EPN1: variants seen among roughly 807,000 people sequenced by gnomAD.
The protein encoded by EPN1 is epsin-1.
A neutral mutation model predicts 56.9 loss-of-function variants in EPN1; 25 were observed. The ratio of observed to expected loss-of-function variants is 0.44; its 90% confidence interval spans 0.32 to 0.61. The LOEUF (loss-of-function observed/expected upper bound fraction) is 0.61. Among genes scored for constraint, EPN1 ranks in the 20% least tolerant of loss-of-function variants. The pLI, the probability that EPN1 is intolerant of heterozygous loss-of-function variation, is 0.05. For missense variants in EPN1, 785 were observed against 823.7 expected, an observed-to-expected ratio of 0.95 and a Z score of 0.58; for synonymous variants, 411 against 361.8, an observed-to-expected ratio of 1.14 and a Z score of -1.54.
At position 55,701,092 on chromosome 19, in the gene EPN1, C is replaced by T. The variant is rs1234668754; in HGVS notation, c.*5736C>T. ...GCCCTGAGGGCTCCCTGGTTCCCAT[C>T]TTATCAAGATGCTGGACTCGGTGCT... On this transcript the variant is annotated 3_prime_UTR_variant, in exon 11 of 11. Coordinates refer to ENST00000270460, the MANE Select transcript of EPN1 (RefSeq NM_001130072.2). 6.6e-6 allele frequency: 1 copy of T among 152,170 alleles called. No individual in the cohort carries two copies. The highest frequency in any genetic ancestry group is 1.5e-5 in the Non-Finnish European group (1 of 68,060). The allele number at this position is 152,170 out of a possible 1,614,324, so 9.4% of individuals were successfully genotyped here. A position where few individuals can be genotyped will look rare whatever the true frequency, so the allele number is the denominator to read the frequency against.
chr19:55,684,378 C>T (rs867409001), intron 2 of EPN1, among the ~76,000 whole-genome samples: 1 of 152,132 alleles, frequency 6.6e-6, no homozygotes, highest in South Asian at 2.1e-4. Context: ...AAGACACCCC[C>T]TGCAGAGCCT....
chr19:55,683,714 G>A (rs1985980711), intron 2 of EPN1, among the ~76,000 whole-genome samples: 1 of 152,230 alleles, frequency 6.6e-6, no homozygotes, highest in Admixed American at 6.5e-5. Flanking sequence ...CATAGTTGAT[G>A]TATGCATTTC....
rs369455188 is a variant in EPN1 at position 55,702,740 on chromosome 19, T to C, written c.*7384T>C. 3 of 152,220 alleles carry C rather than the reference T, an allele frequency of 2.0e-5. No individual in the cohort carries two copies. Among genetic ancestry groups the C allele is most frequent in the African/African-American group, 7.2e-5 (3 of 41,452 alleles). The allele number at this position is 152,220 out of a possible 1,614,324, so 9.4% of individuals were successfully genotyped here. A position where few individuals can be genotyped will look rare whatever the true frequency, so the allele number is the denominator to read the frequency against. On this transcript the variant is annotated 3_prime_UTR_variant, in exon 11 of 11. Transcript: ENST00000270460. The stretch of plus-strand genomic sequence containing the variant: ...AATTGGGTATTGATTTCAGGTAGAA[T>C]GGGTGAATGCATTTATTCGTTCATC...
chr19:55,677,597 T>C (rs985229252), intron 1 of EPN1: 1 of 1,551,408 alleles, frequency 6.4e-7, no homozygotes, highest in Admixed American at 2.0e-5. Context: ...GTCCCTCTTG[T>C]GCTGAGCGAG....
chr19:55,679,481 T>C (rs1985663458), intron 2 of EPN1, among the ~76,000 whole-genome samples: 1 of 152,144 alleles, frequency 6.6e-6, no homozygotes, highest in South Asian at 2.1e-4. Flanking sequence ...ACGTCTGACT[T>C]GGGGCAGGGG....
intron 1 of EPN1, among the ~76,000 whole-genome samples, chr19:55,676,257 A>G (rs1302893482): frequency 6.6e-6 from 1 of 152,184 alleles, no homozygotes; most frequent in African/African-American, 2.4e-5. Flanking sequence ...AGAGATTTTT[A>G]CACAGTAAGT....
At position 55,703,962 on chromosome 19, in the gene EPN1, CT is replaced by C. The variant is rs1407124785; in HGVS notation, c.*8608del. 1.3e-5 allele frequency: 2 copies of C among 152,062 alleles called. No homozygotes were observed. Among genetic ancestry groups the C allele is most frequent in the African/African-American group, 4.8e-5 (2 of 41,452 alleles). The allele number at this position is 152,062 out of a possible 1,614,324, so 9.4% of individuals were successfully genotyped here. On this transcript the variant is annotated 3_prime_UTR_variant, in exon 11 of 11. Coordinates refer to ENST00000270460, the MANE Select transcript of EPN1 (RefSeq NM_001130072.2). ...GGAAGACGCTGGGATCCCGTGCGCG[CT>C]TGTGCTCCTTCCTTCTGGGCCAGCG...
At chr19:55,685,005 A>T (rs549674213) in intron 2 of EPN1, among the ~76,000 whole-genome samples, 13 of 152,288 alleles carry the variant, frequency 8.5e-5, no homozygotes, top group African/African-American at 2.9e-4. Flanking sequence ...GAACGTCTTC[A>T]TTGCCCCAGA....
intron 3 of EPN1, among the ~76,000 whole-genome samples, chr19:55,686,123 T>C (rs1406622401): frequency 6.6e-6 from 1 of 152,218 alleles, no homozygotes; most frequent in Non-Finnish European, 1.5e-5. Context: ...TTAGGAGCCT[T>C]GACAGTGCCT....
At position 55,703,487 on chromosome 19, in the gene EPN1, CTAA is replaced by C. The variant is rs1987247263; in HGVS notation, c.*8133_*8135del. ...TACAGGTGCCCGCCACCACGCCCAGCTAATTTTTGTATTTTTAGTAGAGACGGG... is the reference window on the plus strand; with the variant it reads ...TACAGGTGCCCGCCACCACGCCCAGCTTTTTGTATTTTTAGTAGAGACGGG... On this transcript the variant is annotated 3_prime_UTR_variant, in exon 11 of 11. Coordinates refer to ENST00000270460, the MANE Select transcript of EPN1 (RefSeq NM_001130072.2). 1.3e-5 allele frequency: 2 copies of C among 152,132 alleles called. No individual in the cohort carries two copies. The highest frequency in any genetic ancestry group is 2.9e-5 in the Non-Finnish European group (2 of 68,084). The allele number at this position is 152,132 out of a possible 1,614,324, so 9.4% of individuals were successfully genotyped here.
chr19:55,682,729 G>T (rs530615531), intron 2 of EPN1, among the ~76,000 whole-genome samples: 1 of 151,806 alleles, frequency 6.6e-6, no homozygotes, highest in African/African-American at 2.4e-5. Flanking sequence ...CACTGCACCC[G>T]ATTTTATATA....
rs1331904369 is a variant in EPN1, at chr19:55,691,188, T to C, written c.763-566T>C. Among the ~76,000 whole-genome samples the C allele has an allele frequency of 2.7e-5, 4 of 150,250 alleles. No homozygotes were observed. The highest frequency in any genetic ancestry group is 1.5e-5 in the Non-Finnish European group (1 of 67,476). On this transcript the variant is annotated intron_variant, in intron 6 of 10. Coordinates refer to ENST00000270460, the MANE Select transcript of EPN1 (RefSeq NM_001130072.2). The surrounding 1 kb of genome is among the most constrained non-coding windows in gnomAD (Gnocchi z 5.6). ...CAGTGCGATGACTGCGGGGTGACAG[T>C]GGGGCAATGGGCGTGGGAAGGCCTG...
At chr19:55,687,532 A>G (rs1343862648) in intron 3 of EPN1, among the ~76,000 whole-genome samples, 3 of 151,998 alleles carry the variant, frequency 2.0e-5, no homozygotes, top group African/African-American at 4.8e-5. Flanking sequence ...AGGTTGGGCA[A>G]TGGGGTGTAG....
intron 6 of EPN1, 122 bp downstream of exon 6, chr19:55,690,072 C>T (rs996143620): frequency 1.0e-5 from 10 of 991,692 alleles, no homozygotes; most frequent in East Asian, 5.3e-5. Flanking sequence ...AGCTGGGCAC[C>T]GGGTTTCCAG....
In EPN1 at chr19:55,705,334, A is replaced by C. The variant is rs1049872473; in HGVS notation, c.*9978A>C. ...AACAAACCAATGAAAAAAACCTCTC[A>C]GAACGATACAGAATCCAGAGCCACT... On this transcript the variant is annotated 3_prime_UTR_variant, in exon 11 of 11. Transcript: ENST00000270460. 1.3e-5 allele frequency: 2 copies of C among 152,244 alleles called. No individual in the cohort carries two copies. The highest frequency in any genetic ancestry group is 6.5e-5 in the Admixed American group (1 of 15,278). The allele number at this position is 152,244 out of a possible 1,614,324, so 9.4% of individuals were successfully genotyped here. A position where few individuals can be genotyped will look rare whatever the true frequency, so the allele number is the denominator to read the frequency against.
chr19:55,709,044 C>G lies in EPN1; in HGVS notation c.*13688C>G. On this transcript the variant is annotated 3_prime_UTR_variant, in exon 11 of 11. Coordinates refer to ENST00000270460, the MANE Select transcript of EPN1 (RefSeq NM_001130072.2). ...CTTCATCAAAGCCAGATTTGTGCAG[C>G]CTGGGAAAATAGAAATAAAGTTTTT... The G allele has an allele frequency of 7.7e-6, 12 of 1,558,392 alleles. No homozygotes were observed. Among genetic ancestry groups the G allele is most frequent in the Non-Finnish European group, 1.0e-5 (12 of 1,162,610 alleles).
At chr19:55,678,141 G>A (rs988363972) in intron 1 of EPN1, among the ~76,000 whole-genome samples, 4 of 152,144 alleles carry the variant, frequency 2.6e-5, no homozygotes, top group Non-Finnish European at 5.9e-5. Context: ...AAGAGCGCAT[G>A]GGCAGGACGG....
In EPN1 at chr19:55,691,689, G is replaced by A; in HGVS notation, c.763-65G>A. The A allele has an allele frequency of 4.0e-6, 6 of 1,504,550 alleles. No individual in the cohort carries two copies. The South Asian group carries it at 4.7e-5, about 12-fold the overall frequency. 93.2% of individuals were successfully genotyped at this position (1,504,550 alleles called of 1,614,324 possible). ...GCCGCCTCCCCCGCCACGGGCCCCA[G>A]CTTGGTCCCTGTCCCAGGCTTCCCA... On this transcript the variant is annotated intron_variant, in intron 6 of 10. Coordinates refer to ENST00000270460, the MANE Select transcript of EPN1 (RefSeq NM_001130072.2). This position sits in a 1 kb window ranked among gnomAD's most constrained non-coding sequence, Gnocchi z 5.6.
At chr19:55,681,400 G>C (rs111611580) in intron 2 of EPN1, among the ~76,000 whole-genome samples, 2,547 of 152,200 alleles carry the variant, frequency 0.017, 32 homozygotes, top group Non-Finnish European at 0.025. Context: ...GGAGCCCCGA[G>C]CCCACCCTCT....
Sources: gnomAD v4.1 joint callset for allele counts (sites outside exome capture counted in the v4.1 genomes callset) on GRCh38, gnomAD v4.1.1 for gene constraint, Gnocchi (gnomAD v3.1) non-coding constraint, MANE v1.5 for transcripts, NCBI Gene and HGNC (gene_info 2026-07-23, HGNC 2026-07-21) for gene names.